RFX5: variants seen among roughly 807,000 people sequenced by gnomAD.
RFX5 encodes DNA-binding protein RFX5.
Under a neutral mutation model 41.2 loss-of-function variants are expected in RFX5, and 30 were observed. The ratio of observed to expected loss-of-function variants is 0.73; its 90% CI spans 0.54 to 0.99. The LOEUF is 0.99. Among genes scored for constraint, RFX5 ranks in the 50% least tolerant of loss-of-function variants. RFX5 has a pLI of 0.00. For missense variants in RFX5, 715 were observed against 773.6 expected (o/e 0.92, Z 0.90); for synonymous variants, 231 against 291.8 (o/e 0.79, Z 2.12).
At chr1:151,344,084 C>A in intron 8 of RFX5, 113 bp downstream of exon 8, 1 of 1,201,460 alleles carries the variant, frequency 8.3e-7, no homozygotes, top group African/African-American at 1.5e-5. Flanking sequence ...AACATCATAC[C>A]TAGAAGCTAT....
At position 151,343,371 on chromosome 1, in the gene RFX5, C is replaced by T. The variant is rs1417662311; in HGVS notation, c.829G>A (p.Ala277Thr). ...GCCAGTCTCTCTGGCTTCTTGTGGG[C>T]TCCACCCTCTGGGTTCTCTAAACCA... ...KNGLENPEGG[A>T]HKKPERLAQP... Residue 277 changes from alanine (A) to threonine (T), a missense_variant, in exon 10 of 11, where the codon GCC (alanine) becomes ACC (threonine). Ala to Thr is a moderately conservative substitution (Grantham distance 58). Transcript: ENST00000452671. The T allele has an allele frequency of 6.2e-7, 1 of 1,613,572 alleles. No homozygotes were observed. Among genetic ancestry groups the T allele is most frequent in the Non-Finnish European group, 8.5e-7 (1 of 1,180,026 alleles).
intron 9 of RFX5, 35 bp from the exon 10 acceptor site, chr1:151,343,477 T>C: frequency 6.4e-7 from 1 of 1,565,108 alleles, no homozygotes; most frequent in Non-Finnish European, 8.8e-7. Flanking sequence ...AGAGTGAAGG[T>C]GAGGAGGAAA....
rs1650512765 is a variant in RFX5, at chr1:151,342,285, C to T, written c.1752G>A (p.Glu584=). 1 of 1,614,136 alleles carries T rather than the reference C, an allele frequency of 6.2e-7. No individual in the cohort carries two copies. The highest frequency in any genetic ancestry group is 2.2e-5 in the East Asian group (1 of 44,880). ...TATTACCCTGTGGTGCAGTGTCTAC[C>T]TCTCCCTTTGCCAAAGGAAAAGCCT... ...QKEAFPLAKG[E]VDTAPQGNKD... is the part of the protein sequence containing the mutation. Residue 584 remains glutamate (E), a synonymous_variant, in exon 11 of 11, where the codon GAG becomes GAA. Coordinates refer to ENST00000452671, the MANE Select transcript of RFX5 (RefSeq NM_001025603.2).
chr1:151,343,287 G>A (rs986771425), intron 10 of RFX5, 55 bp downstream of exon 10: 2 of 1,606,686 alleles, frequency 1.2e-6, no homozygotes, highest in African/African-American at 1.3e-5. Context: ...ATTGGAGAAG[G>A]ATATACTAAG....
intron 4 of RFX5, 146 bp downstream of exon 4, chr1:151,345,782 C>A: frequency 9.1e-7 from 1 of 1,103,638 alleles, no homozygotes; most frequent in South Asian, 1.3e-5. Context: ...GTCAAACTGG[C>A]AGCAAGTTTG....
chr1:151,344,966 G>A, intron 5 of RFX5, 119 bp from the exon 6 acceptor site: 1 of 1,585,356 alleles, frequency 6.3e-7, no homozygotes, highest in Non-Finnish European at 8.7e-7. Context: ...AACTTTCCCT[G>A]GTAAACCAAG....
chr1:151,345,916 C>G lies in RFX5; in HGVS notation c.150+12G>C. 6.2e-7 allele frequency: 1 copy of G among 1,614,144 alleles called. No homozygotes were observed. Among genetic ancestry groups the G allele is most frequent in the East Asian group, 2.2e-5 (1 of 44,882 alleles). ...TCCATCCCTCTCTTGCCCTCTTCCC[C>G]AACACACTTACCAGGATCCCCTCTA... On this transcript the variant is annotated intron_variant, in intron 4 of 10. Coordinates refer to ENST00000452671, the MANE Select transcript of RFX5 (RefSeq NM_001025603.2).
Position 151,343,733 on chromosome 1 carries a change from GA to G in RFX5, c.704del (p.Leu235ProfsTer36). On this transcript the variant is annotated frameshift_variant, in exon 9 of 11. Transcript: ENST00000452671. LOFTEE classifies it high-confidence loss of function. ...EVARFLLQQH[L>X]ISARSAHAHV... ...GGGCATGTGCAGATCGGGCAGAGATGAGATGCTGCTGTAGCAGGAAGCGGGC... is the reference window on the plus strand; with the variant it reads ...GGGCATGTGCAGATCGGGCAGAGATGGATGCTGCTGTAGCAGGAAGCGGGC... 1 of 1,614,112 alleles carries G rather than the reference GA, an allele frequency of 6.2e-7. No homozygotes were observed. Among genetic ancestry groups the G allele is most frequent in the Non-Finnish European group, 8.5e-7 (1 of 1,180,042 alleles).
chr1:151,342,551 A>G lies in RFX5; in HGVS notation c.1486T>C (p.Ser496Pro). The G allele has an allele frequency of 1.2e-6, 2 of 1,614,050 alleles. No homozygotes were observed. Among genetic ancestry groups the G allele is most frequent in the East Asian group, 4.5e-5 (2 of 44,876 alleles). Residue 496 changes from serine (S) to proline (P), a missense_variant, in exon 11 of 11, where the codon TCA (serine) becomes CCA (proline). Ser to Pro is a moderately conservative substitution (Grantham distance 74). Coordinates refer to ENST00000452671, the MANE Select transcript of RFX5 (RefSeq NM_001025603.2). ...SAAAMESAQS[S>P]RLPWETWGSG... ...CCCCATGTCTCCCATGGTAACCTTG[A>G]GGACTGGGCAGATTCCATGGCAGCT...
intron 9 of RFX5, 96 bp downstream of exon 9, chr1:151,343,585 G>C (rs1650710920): frequency 1.4e-6 from 2 of 1,457,470 alleles, no homozygotes; most frequent in Non-Finnish European, 1.9e-6. Flanking sequence ...CAGGAAGAGG[G>C]GGCAAATCCA....
At position 151,340,828 on chromosome 1, in the gene RFX5, T is replaced by C. The variant is rs1002460916; in HGVS notation, c.*1358A>G. On this transcript the variant is annotated 3_prime_UTR_variant, in exon 11 of 11. Coordinates refer to ENST00000452671, the MANE Select transcript of RFX5 (RefSeq NM_001025603.2). ...TCCCTGAAAGAAAATCAGTGTTTCT[T>C]GGGAAGAACCAAGATTCCCTGACAG... The C allele has an allele frequency of 7.2e-5, 11 of 152,648 alleles. No homozygotes were observed. Among genetic ancestry groups the C allele is most frequent in the Non-Finnish European group, 1.5e-4 (10 of 68,042 alleles). The allele number at this position is 152,648 out of a possible 1,614,324, so 9.5% of individuals were successfully genotyped here. A position where few individuals can be genotyped will look rare whatever the true frequency, so the allele number is the denominator to read the frequency against.
At chr1:151,344,351 C>T in intron 7 of RFX5, 66 bp downstream of exon 7, 1 of 1,614,100 alleles carries the variant, frequency 6.2e-7, no homozygotes. Flanking sequence ...TGTTCCACTC[C>T]TTGCTCTCCA....
rs1215061174 is a variant in RFX5 at position 151,345,161 on chromosome 1, C to T, written c.178G>A (p.Asp60Asn). 2.5e-6 allele frequency: 4 copies of T among 1,613,952 alleles called. No homozygotes were observed. The highest frequency in any genetic ancestry group is 3.4e-6 in the Non-Finnish European group (4 of 1,179,882). Reference sequence around the variant, plus strand: ...AGCTGAAGGTAGAGATACAGCTTGTCATTGTCAGAAAATTTCTGTACATCT... The same window carrying T: ...AGCTGAAGGTAGAGATACAGCTTGTTATTGTCAGAAAATTTCTGTACATCT... ...LQDVQKFSDNDKLYLYLQLPS... is the reference protein window; with the variant it reads ...LQDVQKFSDNNKLYLYLQLPS... The change falls in exon 5 of 11, where the codon GAC (aspartate) becomes AAC (asparagine). Residue 60 changes from aspartate (D) to asparagine (N), a missense_variant. By Grantham distance (23) the Asp-to-Asn change is conservative (BLOSUM62 1). Coordinates refer to ENST00000452671, the MANE Select transcript of RFX5 (RefSeq NM_001025603.2).
Position 151,345,086 on chromosome 1 carries a change from A to G in RFX5, c.233+20T>C, listed in dbSNP as rs1650888792. On this transcript the variant is annotated intron_variant, in intron 5 of 10. Transcript: ENST00000452671. The stretch of plus-strand genomic sequence containing the variant: ...CTAAGAATCAGAACCTCTGCCATCT[A>G]AAACTACTATCAAACCTACCTTTTG... 1.2e-6 allele frequency: 2 copies of G among 1,608,812 alleles called. No individual in the cohort carries two copies. Among genetic ancestry groups the G allele is most frequent in the African/African-American group, 1.3e-5 (1 of 74,804 alleles).
chr1:151,346,807 A>G, intron 1 of RFX5: 1 of 160,732 alleles, frequency 6.2e-6, no homozygotes, highest in Non-Finnish European at 1.4e-5. Flanking sequence ...CTGCCCTTCT[A>G]GGCTTGGAAA....
Position 151,346,759 on chromosome 1 carries a change from G to A in RFX5, c.-131-153C>T, listed in dbSNP as rs1651099524. 4 of 208,676 alleles carry A rather than the reference G, an allele frequency of 1.9e-5. No homozygotes were observed. The Admixed American group carries it at 2.1e-4, about 11-fold the overall frequency. 12.9% of individuals were successfully genotyped at this position (208,676 alleles called of 1,614,324 possible). A position where few individuals can be genotyped will look rare whatever the true frequency, so the allele number is the denominator to read the frequency against. On this transcript the variant is annotated intron_variant, in intron 1 of 10. Transcript: ENST00000452671. The stretch of plus-strand genomic sequence containing the variant: ...ATTCTCAAAAATACTCCTCACCATT[G>A]CATATGCCTGGGAGGTCAGAAAGGA...
chr1:151,346,396 C>T, intron 2 of RFX5, 63 bp from the exon 3 acceptor site: 4 of 1,259,458 alleles, frequency 3.2e-6, no homozygotes, highest in Non-Finnish European at 4.6e-6. Context: ...CCCCAGAAGG[C>T]CCCAGGGCAC....
In RFX5 at chr1:151,344,262, T is replaced by G; in HGVS notation, c.490A>C (p.Ile164Leu). 1 of 1,614,190 alleles carries G rather than the reference T, an allele frequency of 6.2e-7. No homozygotes were observed. The highest frequency in any genetic ancestry group is 1.1e-5 in the South Asian group (1 of 91,072). ...RGQSKYCYSG[I>L]RRKTLVSMPP... is the part of the protein sequence containing the mutation. Reference sequence around the variant, plus strand: ...ATAGACACCAAGGTCTTCCTCCTTATGCCACTGTAGCAATATCTGATGCAA... The same window carrying G: ...ATAGACACCAAGGTCTTCCTCCTTAGGCCACTGTAGCAATATCTGATGCAA... Residue 164 changes from isoleucine to leucine, a missense_variant, in exon 8 of 11, where the codon ATA becomes CTA. Transcript: ENST00000452671.
At position 151,344,455 on chromosome 1, in the gene RFX5, G is replaced by A. The variant is rs1190379430; in HGVS notation, c.435C>T (p.Asp145=). Residue 145 remains aspartate, a synonymous_variant, in exon 7 of 11, where the codon GAC becomes GAT. Coordinates refer to ENST00000452671, the MANE Select transcript of RFX5 (RefSeq NM_001025603.2). ...GGCCACCAAGCCTTCGAGCTTTGATGTCAGGGAAGATCTCTCTGATGATCT... is the reference window on the plus strand; with the variant it reads ...GGCCACCAAGCCTTCGAGCTTTGATATCAGGGAAGATCTCTCTGATGATCT... ...FGKIIREIFP[D]IKARRLGGRG... is the part of the protein sequence containing the mutation. The A allele has an allele frequency of 1.2e-6, 2 of 1,614,218 alleles. No individual in the cohort carries two copies. The highest frequency in any genetic ancestry group is 1.1e-5 in the South Asian group (1 of 91,080).
Sources: gnomAD v4.1 joint callset for allele counts on GRCh38, gnomAD v4.1.1 for gene constraint, MANE v1.5 for transcripts, NCBI Gene and HGNC (gene_info 2026-07-23, HGNC 2026-07-21) for gene names.